The following OTOGL variants were observed in gnomAD, a reference collection of about 807,000 sequenced individuals.
OTOGL encodes the protein otogelin like.
A neutral mutation model predicts 318.5 loss-of-function variants in OTOGL; 285 were observed. That is an observed-to-expected ratio of 0.89 (90% CI 0.81 to 0.99). The LOEUF (loss-of-function observed/expected upper bound fraction) is 0.99. Among genes scored for constraint, OTOGL ranks in the 50% least tolerant of loss-of-function variants. The probability of loss-of-function intolerance (pLI) is 0.00; values close to 1 mark genes in which losing one functional copy is unlikely to be tolerated. For missense variants in OTOGL, 2,899 were observed against 2,845.6 expected (o/e 1.02, Z -0.43); for synonymous variants, 987 against 936.5 (o/e 1.05, Z -0.99).
At chr12:80,181,634 T>G (rs1874927553) in intron 1 of OTOGL, among the ~76,000 whole-genome samples, 1 of 152,188 alleles carries the variant, frequency 6.6e-6, no homozygotes, top group Non-Finnish European at 1.5e-5. Context: ...ATCAAGATTT[T>G]TTTTTTTGGC....
chr12:80,343,233 G>C (rs1888898436), intron 44 of OTOGL, among the ~76,000 whole-genome samples: 1 of 152,088 alleles, frequency 6.6e-6, no homozygotes, highest in Admixed American at 6.6e-5. Context: ...AAGAGGGAGG[G>C]ATGGAGTTCC....
At chr12:80,107,301 G>A (rs1360925061) in intron 1 of OTOGL, among the ~76,000 whole-genome samples, 1 of 152,118 alleles carries the variant, frequency 6.6e-6, no homozygotes, top group Non-Finnish European at 1.5e-5. Context: ...AGGCATACAT[G>A]TGGCTAACAA....
At chr12:80,357,006 A>G in intron 49 of OTOGL, 92 bp downstream of exon 49, 1 of 657,528 alleles carries the variant, frequency 1.5e-6, no homozygotes. Flanking sequence ...ACTGATGGCA[A>G]GCAATATTCT....
chr12:80,253,200 G>A (rs1881726469), intron 13 of OTOGL, among the ~76,000 whole-genome samples: 1 of 151,996 alleles, frequency 6.6e-6, no homozygotes, highest in African/African-American at 2.4e-5. Context: ...AGGAAACATT[G>A]TTTTGTTTCC....
intron 11 of OTOGL, among the ~76,000 whole-genome samples, chr12:80,251,197 T>C (rs1184711015): frequency 6.6e-6 from 1 of 152,230 alleles, no homozygotes; most frequent in Non-Finnish European, 1.5e-5. Context: ...TACTTTTGAT[T>C]ACTATAGATT....
In OTOGL at chr12:80,220,102, A is replaced by G. The variant is rs10778720; in HGVS notation, c.334+190A>G. On this transcript the variant is annotated intron_variant, in intron 6 of 58. Transcript: ENST00000547103. ...GTAGATAGGGCCACTTTCCCTTCTC[A>G]TTGAGCTCTCTTATTGCTTCAAGTA... Among the ~76,000 whole-genome samples, 55,298 of 151,970 alleles carry G rather than the reference A, an allele frequency of 0.36. 11,997 individuals are homozygous for G. The highest frequency in any genetic ancestry group is 0.5 in the Admixed American group (7,694 of 15,278).
intron 42 of OTOGL, among the ~76,000 whole-genome samples, chr12:80,338,551 A>G (rs975883157): frequency 1.3e-5 from 2 of 152,064 alleles, no homozygotes; most frequent in Non-Finnish European, 2.9e-5. Flanking sequence ...TAGACTGTAT[A>G]TATTTATTTA....
chr12:80,277,877 C>G (rs1289837570), intron 24 of OTOGL, among the ~76,000 whole-genome samples: 2 of 151,420 alleles, frequency 1.3e-5, no homozygotes, highest in African/African-American at 2.4e-5. Flanking sequence ...CGGGATGACT[C>G]ACTTTATTAG....
chr12:80,355,223 TCTTTTC>T (rs1889799379), intron 46 of OTOGL, among the ~76,000 whole-genome samples: 4 of 54,006 alleles, frequency 7.4e-5, no homozygotes, highest in Non-Finnish European at 1.1e-4. Flanking sequence ...TTTCTTTCTT[TCTTTTC>T]TTTTTTTTTT....
intron 9 of OTOGL, among the ~76,000 whole-genome samples, chr12:80,233,896 G>A (rs749578850): frequency 6.6e-6 from 1 of 152,036 alleles, no homozygotes; most frequent in Non-Finnish European, 1.5e-5. Context: ...GTAAAATGGG[G>A]CTATGCTAAT....
chr12:80,150,102 CA>C (rs773553746), intron 1 of OTOGL, among the ~76,000 whole-genome samples: 25 of 152,058 alleles, frequency 1.6e-4, no homozygotes, highest in Non-Finnish European at 3.5e-4. Flanking sequence ...GTGTCTGGTG[CA>C]AACCAAAAAA....
chr12:80,198,193 G>C (rs1876213428), intron 1 of OTOGL, among the ~76,000 whole-genome samples: 1 of 152,166 alleles, frequency 6.6e-6, no homozygotes, highest in Admixed American at 6.6e-5. Flanking sequence ...CTTTTTCAGA[G>C]AAGTCTCTTC....
intron 26 of OTOGL, among the ~76,000 whole-genome samples, chr12:80,284,123 G>T (rs1056758104): frequency 1.3e-5 from 2 of 152,094 alleles, no homozygotes; most frequent in Non-Finnish European, 1.5e-5. Flanking sequence ...GCGAGAACAT[G>T]TGGTGTTTGG....
intron 9 of OTOGL, among the ~76,000 whole-genome samples, chr12:80,233,655 T>G (rs1047740488): frequency 6.6e-6 from 1 of 152,132 alleles, no homozygotes; most frequent in Non-Finnish European, 1.5e-5. Context: ...AAACTAAAAG[T>G]GAGTTATAAG....
rs191650799 is a variant in OTOGL at position 80,306,683 on chromosome 12, G to A, written c.3333+988G>A. 3.3e-5 allele frequency among the ~76,000 whole-genome samples: 5 copies of A among 151,456 alleles called. 1 individual carries two copies. Among genetic ancestry groups the A allele is most frequent in the Admixed American group, 3.3e-4 (5 of 15,226 alleles). ...AGAGAGACAAAATCCTTTTAACTGT[G>A]GCTATCTTACATCTTGTTACCTTTA... On this transcript the variant is annotated intron_variant, in intron 29 of 58. Transcript: ENST00000547103.
chr12:80,360,975 T>A (rs1219746909), intron 52 of OTOGL: 1 of 152,116 alleles, frequency 6.6e-6, no homozygotes, highest in Non-Finnish European at 1.5e-5. Context: ...ACGACATCAT[T>A]TTTTTGTGAT....
In OTOGL at chr12:80,333,051, A is replaced by G. The variant is rs1275467307; in HGVS notation, c.4395A>G (p.Leu1465=). The part of the protein sequence containing the change: ...TPSDITVFDM[L]TPTTGLECEP... ...CAGACATCACTGTGTTTGATATGCT[A>G]ACACCAACTACAGGCTTGGAATGTG... is the stretch of plus-strand genomic sequence containing the variant. Residue 1465 remains leucine (L), a synonymous_variant, in exon 38 of 59, where the codon CTA becomes CTG. Coordinates refer to ENST00000547103, the MANE Select transcript of OTOGL (RefSeq NM_001378609.3). 3 of 1,602,392 alleles carry G rather than the reference A, an allele frequency of 1.9e-6. No individual in the cohort carries two copies. Among genetic ancestry groups the G allele is most frequent in the Admixed American group, 3.4e-5 (2 of 58,728 alleles).
At chr12:80,345,320 C>T (rs896640730) in intron 44 of OTOGL, among the ~76,000 whole-genome samples, 39 of 147,758 alleles carry the variant, frequency 2.6e-4, no homozygotes, top group Non-Finnish European at 1.0e-4. Context: ...ACTGAAGCCT[C>T]CACCTCTCAG....
chr12:80,274,035 GTC>G (rs1883611857), intron 24 of OTOGL, among the ~76,000 whole-genome samples: 1 of 151,800 alleles, frequency 6.6e-6, no homozygotes, highest in Non-Finnish European at 1.5e-5. Flanking sequence ...CTCTTCTCAG[GTC>G]TCTCTATTCC....
Sources: gnomAD v4.1 joint callset for allele counts (sites outside exome capture counted in the v4.1 genomes callset) on GRCh38, gnomAD v4.1.1 for gene constraint, MANE v1.5 for transcripts, NCBI Gene and HGNC (gene_info 2026-07-23, HGNC 2026-07-21) for gene names.